The following SRRM4 variants were observed in gnomAD, a reference collection of about 807,000 sequenced individuals.
The protein encoded by SRRM4 is serine/arginine repetitive matrix protein 4.
SRRM4 carries 33 observed loss-of-function variants against 68.9 expected under a neutral mutation model. The observed-to-expected ratio is 0.48, with a 90% CI of 0.36 to 0.64. SRRM4 has a LOEUF of 0.64. Among genes scored for constraint, SRRM4 ranks in the 30% least tolerant of loss-of-function variants. The probability of loss-of-function intolerance (pLI) is 0.00; values close to 1 mark genes in which losing one functional copy is unlikely to be tolerated. For missense variants in SRRM4, 817 were observed against 827.1 expected (o/e 0.99, Z 0.15); for synonymous variants, 318 against 318.8 (o/e 1.00, Z 0.03).
chr12:118,986,109 GA>G (rs562632559), intron 1 of SRRM4, among the ~76,000 whole-genome samples: 10 of 151,216 alleles, frequency 6.6e-5, no homozygotes, highest in South Asian at 4.2e-4. Context: ...TTGTAAGGCA[GA>G]AAAAAAAATG....
At chr12:119,072,042 C>A (rs1348002760) in intron 1 of SRRM4, among the ~76,000 whole-genome samples, 2 of 152,150 alleles carry the variant, frequency 1.3e-5, no homozygotes, top group Non-Finnish European at 2.9e-5. Flanking sequence ...GGGACGCTGT[C>A]AGCTTCTCCA....
At chr12:119,127,129 C>T (rs1403130486) in intron 7 of SRRM4, among the ~76,000 whole-genome samples, 1 of 149,802 alleles carries the variant, frequency 6.7e-6, no homozygotes, top group East Asian at 2.0e-4. Flanking sequence ...TTAGTGGGTG[C>T]AGCACACCAG....
chr12:119,162,411 C>T lies in SRRM4; in HGVS notation c.*5613C>T, dbSNP rs1223496041. ...GAGAGACCAAGATGGGCTTACCTTGCCCTGCTCTGGATTTAACCATTGTTC... is the reference window on the plus strand; with the variant it reads ...GAGAGACCAAGATGGGCTTACCTTGTCCTGCTCTGGATTTAACCATTGTTC... On this transcript the variant is annotated 3_prime_UTR_variant, in exon 13 of 13. Coordinates refer to ENST00000267260, the MANE Select transcript of SRRM4 (RefSeq NM_194286.4). 1.3e-5 allele frequency: 2 copies of T among 152,200 alleles called. No homozygotes were observed. The highest frequency in any genetic ancestry group is 2.4e-5 in the African/African-American group (1 of 41,448). 9.4% of individuals were successfully genotyped at this position (152,200 alleles called of 1,614,324 possible).
chr12:119,066,357 T>C (rs941710735), intron 1 of SRRM4, among the ~76,000 whole-genome samples: 5 of 152,216 alleles, frequency 3.3e-5, no homozygotes, highest in African/African-American at 1.2e-4. Context: ...CATCTAATTC[T>C]GCCCAGCTTA....
At chr12:119,142,169 A>T (rs1704620767) in intron 8 of SRRM4, among the ~76,000 whole-genome samples, 1 of 152,176 alleles carries the variant, frequency 6.6e-6, no homozygotes, top group African/African-American at 2.4e-5. Context: ...ACCGGGCTGT[A>T]AAAAACACTG....
chr12:119,044,087 G>A (rs987761599), intron 1 of SRRM4, among the ~76,000 whole-genome samples: 1 of 152,130 alleles, frequency 6.6e-6, no homozygotes, highest in Admixed American at 6.5e-5. Flanking sequence ...GGCTGGTCTC[G>A]AACTCCTGAC....
intron 1 of SRRM4, among the ~76,000 whole-genome samples, chr12:119,019,699 G>A (rs1334860342): frequency 2.0e-5 from 3 of 152,048 alleles, no homozygotes; most frequent in African/African-American, 7.2e-5. Context: ...GGATTAAACT[G>A]CTTCTCTAAG....
At chr12:119,046,476 G>A (rs188516220) in intron 1 of SRRM4, among the ~76,000 whole-genome samples, 1 of 152,162 alleles carries the variant, frequency 6.6e-6, no homozygotes, top group Non-Finnish European at 1.5e-5. Flanking sequence ...TGGATTAAAT[G>A]AGACAACCTG....
chr12:119,051,632 A>C (rs191640380), intron 1 of SRRM4, among the ~76,000 whole-genome samples: 1 of 152,210 alleles, frequency 6.6e-6, no homozygotes, highest in East Asian at 1.9e-4. Flanking sequence ...TCTAAGAAAG[A>C]CTACACAATA....
intron 1 of SRRM4, among the ~76,000 whole-genome samples, chr12:119,054,079 A>G (rs1953762131): frequency 6.6e-6 from 1 of 152,040 alleles, no homozygotes; most frequent in Non-Finnish European, 1.5e-5. Flanking sequence ...TCTACTCTCT[A>G]TGTCCATGAG....
chr12:119,090,417 A>T (rs923396349), intron 1 of SRRM4, among the ~76,000 whole-genome samples: 2 of 152,176 alleles, frequency 1.3e-5, no homozygotes, highest in African/African-American at 4.8e-5. Flanking sequence ...ACTGGACTCA[A>T]GCCTCAGCCT....
At chr12:119,028,519 T>C (rs187920253) in intron 1 of SRRM4, among the ~76,000 whole-genome samples, 2 of 152,356 alleles carry the variant, frequency 1.3e-5, no homozygotes, top group East Asian at 3.9e-4. Context: ...CTGCCATGAT[T>C]GTGAGGCCTC....
chr12:119,014,478 G>C (rs1953469247), intron 1 of SRRM4, among the ~76,000 whole-genome samples: 5 of 152,078 alleles, frequency 3.3e-5, no homozygotes, highest in Non-Finnish European at 7.3e-5. Context: ...CTCTCCTCCT[G>C]CTGGACCTGG....
chr12:119,078,173 A>C (rs549714928), intron 1 of SRRM4, among the ~76,000 whole-genome samples: 1 of 152,196 alleles, frequency 6.6e-6, no homozygotes. Flanking sequence ...TGGGAAAACT[A>C]TAGCATATAG....
intron 1 of SRRM4, among the ~76,000 whole-genome samples, chr12:119,076,707 C>G (rs1313397937): frequency 6.6e-6 from 1 of 152,192 alleles, no homozygotes; most frequent in Non-Finnish European, 1.5e-5. Flanking sequence ...TGCAAGAGTA[C>G]AGCTGGCGCT....
At chr12:119,009,946 T>C (rs1487404058) in intron 1 of SRRM4, among the ~76,000 whole-genome samples, 1 of 152,230 alleles carries the variant, frequency 6.6e-6, no homozygotes. Context: ...CTAGCTGATG[T>C]TCTTTACTGC....
chr12:119,044,362 G>A (rs1379566328), intron 1 of SRRM4, among the ~76,000 whole-genome samples: 1 of 152,194 alleles, frequency 6.6e-6, no homozygotes. Context: ...GTGGAGGGCG[G>A]GCTTGGGCAG....
chr12:119,046,131 CATT>C (rs1953706126), intron 1 of SRRM4, among the ~76,000 whole-genome samples: 1 of 152,084 alleles, frequency 6.6e-6, no homozygotes, highest in East Asian at 1.9e-4. Flanking sequence ...CTTTGGGCAC[CATT>C]ATATCCCAGG....
At chr12:119,051,379 T>C (rs1326082803) in intron 1 of SRRM4, among the ~76,000 whole-genome samples, 1 of 152,080 alleles carries the variant, frequency 6.6e-6, no homozygotes, top group Non-Finnish European at 1.5e-5. Context: ...CCTACTCTAC[T>C]GGGGGAAAAA....
Sources: allele counts gnomAD v4.1 joint callset (sites outside exome capture counted in the v4.1 genomes callset), GRCh38; gene constraint gnomAD v4.1.1; transcripts MANE v1.5; gene names NCBI Gene and HGNC (gene_info 2026-07-23, HGNC 2026-07-21).